Variants in ZFHX2 observed in about 807,000 individuals in gnomAD.
ZFHX2 encodes zinc finger homeobox protein 2.
In ZFHX2, 75 loss-of-function variants were observed where a neutral mutation model predicts 164.8. That is an observed-to-expected ratio of 0.46 (90% CI 0.38 to 0.55). The LOEUF (loss-of-function observed/expected upper bound fraction) is 0.55. Ranked by LOEUF, ZFHX2 falls within the 20% of genes least tolerant of loss-of-function variation. The pLI is 0.00. For synonymous variants in ZFHX2, 1,217 were observed against 1,351.4 expected (o/e 0.90, Z 2.18); for missense variants, 2,933 against 3,308.0 (o/e 0.89, Z 2.78).
In ZFHX2 at chr14:23,523,770, C is replaced by G. The variant is rs1878350984; in HGVS notation, c.6172G>C (p.Gly2058Arg). Residue 2058 changes from glycine to arginine, a missense_variant, in exon 9 of 10, where the codon GGG (glycine) becomes CGG (arginine). Physicochemically the swap from Gly to Arg is moderately radical, Grantham distance 125. Transcript: ENST00000419474. This position sits in a 1 kb window ranked among gnomAD's most constrained non-coding sequence, Gnocchi z 4.1. The stretch of plus-strand genomic sequence containing the variant: ...CGCTGCCCCATTCCATCTGGAACCC[C>G]AGTCCCACCTCCAGGTCCCCCACTG... ...GTSGGPGGGTGVPDGMGQRRY... is the reference protein window; with the variant it reads ...GTSGGPGGGTRVPDGMGQRRY... The G allele has an allele frequency of 6.5e-7, 1 of 1,536,120 alleles. No individual in the cohort carries two copies. Among genetic ancestry groups the G allele is most frequent in the Non-Finnish European group, 8.7e-7 (1 of 1,146,936 alleles).
At chr14:23,527,002 A>C in intron 7 of ZFHX2, 29 bp from the exon 8 acceptor site, 1 of 1,477,696 alleles carries the variant, frequency 6.8e-7, no homozygotes. Flanking sequence ...TAGTGGCTTC[A>C]CCACCACCCC....
Position 23,526,139 on chromosome 14 carries a change from C to T in ZFHX2, c.3803G>A (p.Arg1268Gln), listed in dbSNP as rs1465476803. The change falls in exon 9 of 10, where the codon CGG (arginine) becomes CAG (glutamine). Residue 1268 changes from arginine to glutamine, a missense_variant. Physicochemically the swap from Arg to Gln is conservative, Grantham distance 43 (BLOSUM62 1). Transcript: ENST00000419474. ...NQSSTLEIHM[R>Q]SVLHQTRSRG... ...AGAGCGAGTCTGATGCAGAACTGAC[C>T]GCATGTGGATCTCCAGGGTGGAGCT... 2.7e-5 allele frequency: 41 copies of T among 1,536,314 alleles called. No homozygotes were observed. The highest frequency in any genetic ancestry group is 3.3e-5 in the Non-Finnish European group (38 of 1,146,942).
chr14:23,534,217 G>A lies in ZFHX2; in HGVS notation c.1109C>T (p.Ala370Val). 2.7e-6 allele frequency: 4 copies of A among 1,505,162 alleles called. No individual in the cohort carries two copies. In the South Asian group the frequency reaches 5.1e-5, roughly 19 times the overall value. 93.2% of individuals were successfully genotyped at this position (1,505,162 alleles called of 1,614,324 possible). A position where few individuals can be genotyped will look rare whatever the true frequency, so the allele number is the denominator to read the frequency against. The change falls in exon 2 of 10, where the codon GCA becomes GTA. Residue 370 changes from alanine (A) to valine (V), a missense_variant. Transcript: ENST00000419474. The surrounding 1 kb of genome is among the most constrained non-coding windows in gnomAD (Gnocchi z 4.5). ...AKESPVAAGE[A>V]GPDWFPEGQE... The stretch of plus-strand genomic sequence containing the variant: ...CCCCTCAGGGAACCAATCTGGCCCT[G>A]CCTCGCCTGCTGCTACTGGCGATTC...
chr14:23,555,315 A>G (rs1440197546), upstream of ZFHX2, among the ~76,000 whole-genome samples: 2 of 152,060 alleles, frequency 1.3e-5, no homozygotes, highest in Admixed American at 1.3e-4. Context: ...ATTCTAAATG[A>G]ACATAAGTAG....
chr14:23,533,329 CCA>C lies in ZFHX2; in HGVS notation c.1995_1996del (p.Asn665LysfsTer23). The stretch of plus-strand genomic sequence containing the variant: ...GGCAGGTGCTCCTACGTGGTGGAAA[CCA>C]TTGAGAAGTAGCTGGGCTTCCAGGG... On this transcript the variant is annotated frameshift_variant, in exon 2 of 10. Coordinates refer to ENST00000419474, the MANE Select transcript of ZFHX2 (RefSeq NM_033400.3). LOFTEE classifies it high-confidence loss of function. This position sits in a 1 kb window ranked among gnomAD's most constrained non-coding sequence, Gnocchi z 4.8. The C allele has an allele frequency of 6.9e-7, 1 of 1,439,360 alleles. No homozygotes were observed. The highest frequency in any genetic ancestry group is 9.1e-7 in the Non-Finnish European group (1 of 1,101,140). The allele number at this position is 1,439,360 out of a possible 1,614,324, so 89.2% of individuals were successfully genotyped here. A position where few individuals can be genotyped will look rare whatever the true frequency, so the allele number is the denominator to read the frequency against.
rs552911279 is a variant in ZFHX2, at chr14:23,522,055, C to A, written c.7626G>T (p.Ser2542=). ...CCTCTTTGGCAAAAGCCACAGCAGC[C>A]GAGGCAGCAGTGGCGGCGTTGGTGA... The part of the protein sequence containing the change: ...ISITNAATAA[S]AAVAFAKEEA... The change falls in exon 10 of 10, where the codon TCG becomes TCT. Residue 2542 remains serine, a synonymous_variant. Transcript: ENST00000419474. 1.3e-6 allele frequency: 2 copies of A among 1,536,336 alleles called. No individual in the cohort carries two copies. Among genetic ancestry groups the A allele is most frequent in the African/African-American group, 2.7e-5 (2 of 73,068 alleles).
intron 1 of ZFHX2, among the ~76,000 whole-genome samples, chr14:23,538,267 T>C (rs769088576): frequency 6.6e-5 from 10 of 152,236 alleles, no homozygotes; most frequent in Non-Finnish European, 1.5e-4. Flanking sequence ...TCCTCCTCTT[T>C]AGGAAAGAAT....
chr14:23,522,420 G>GC lies in ZFHX2; in HGVS notation c.7260_7261insG (p.Leu2421AlafsTer11). 6.5e-7 allele frequency: 1 copy of GC among 1,536,494 alleles called. No homozygotes were observed. Among genetic ancestry groups the GC allele is most frequent in the Non-Finnish European group, 8.7e-7 (1 of 1,146,934 alleles). On this transcript the variant is annotated frameshift_variant, in exon 10 of 10. Transcript: ENST00000419474. LOFTEE classifies it high-confidence loss of function. ...GCTTCCCCCTCCCCTGGAGCAGGCA[G>GC]TTCAGGAGGCTTTGGAGGTGCTGTG...
intron 6 of ZFHX2, among the ~76,000 whole-genome samples, chr14:23,529,081 A>G (rs1313320580): frequency 1.3e-5 from 2 of 152,240 alleles, no homozygotes; most frequent in Non-Finnish European, 2.9e-5. Context: ...ATAACAATAA[A>G]TGTTACATAT....
Position 23,531,611 on chromosome 14 carries a change from G to A in ZFHX2, c.2670C>T (p.Arg890=), listed in dbSNP as rs1205965669. Residue 890 remains arginine (R), a synonymous_variant, in exon 4 of 10, where the codon CGC becomes CGT. Coordinates refer to ENST00000419474, the MANE Select transcript of ZFHX2 (RefSeq NM_033400.3). ...PSRLAVLQHL[R]TPAHRDAQAQ... The stretch of plus-strand genomic sequence containing the variant: ...CCTGGGCATCGCGGTGGGCAGGTGT[G>A]CGCAGGTGTTGCAGCACAGCCAAGC... The A allele has an allele frequency of 2.0e-5, 30 of 1,525,806 alleles. No homozygotes were observed. Among genetic ancestry groups the A allele is most frequent in the Non-Finnish European group, 2.5e-5 (28 of 1,140,524 alleles). The allele number at this position is 1,525,806 out of a possible 1,614,324, so 94.5% of individuals were successfully genotyped here. A position where few individuals can be genotyped will look rare whatever the true frequency, so the allele number is the denominator to read the frequency against.
rs1296690337 is a variant in ZFHX2 at position 23,522,508 on chromosome 14, G to A, written c.7173C>T (p.Thr2391=). 27 of 1,531,868 alleles carry A rather than the reference G, an allele frequency of 1.8e-5. No homozygotes were observed. Among genetic ancestry groups the A allele is most frequent in the Non-Finnish European group, 2.3e-5 (26 of 1,144,070 alleles). 94.9% of individuals were successfully genotyped at this position (1,531,868 alleles called of 1,614,324 possible). ...LFPMNPMIPQ[T]LIGLLPNALL... is the part of the protein sequence containing the mutation. ...GGGCATTGGGGAGCAGCCCAATGAGGGTCTGAGGTATCATGGGGTTCATGG... is the reference window on the plus strand; with the variant it reads ...GGGCATTGGGGAGCAGCCCAATGAGAGTCTGAGGTATCATGGGGTTCATGG... Residue 2391 remains threonine, a synonymous_variant, in exon 10 of 10, where the codon ACC becomes ACT. Coordinates refer to ENST00000419474, the MANE Select transcript of ZFHX2 (RefSeq NM_033400.3).
At chr14:23,541,287 AT>A (rs34645391) in intron 1 of ZFHX2, among the ~76,000 whole-genome samples, 16,721 of 129,942 alleles carry the variant, frequency 0.13, 1,042 homozygotes, top group East Asian at 0.25. Context: ...GATGGACAGG[AT>A]TTTTTTTTTT....
chr14:23,525,065 T>C lies in ZFHX2; in HGVS notation c.4877A>G (p.Glu1626Gly), dbSNP rs1268173093. ...CAGACCCAACAGACTTGCGAGTCGC[T>C]CCACCTCTCCGTCTTTGGGGTAGGC... is the stretch of plus-strand genomic sequence containing the variant. ...TSAYPKDGEV[E>G]RLASLLGLAS... The change falls in exon 9 of 10, where the codon GAG becomes GGG. Residue 1626 changes from glutamate to glycine, a missense_variant. By Grantham distance (98) the Glu-to-Gly change is moderately conservative. Transcript: ENST00000419474. This position sits in a 1 kb window ranked among gnomAD's most constrained non-coding sequence, Gnocchi z 5.9. The C allele has an allele frequency of 5.9e-6, 9 of 1,536,022 alleles. No individual in the cohort carries two copies. In the Admixed American group the frequency reaches 7.8e-5, roughly 13 times the overall value.
chr14:23,527,074 T>C, intron 7 of ZFHX2, 101 bp from the exon 8 acceptor site: 1 of 1,391,522 alleles, frequency 7.2e-7, no homozygotes, highest in Non-Finnish European at 9.3e-7. Context: ...CCGAGATCCC[T>C]TGCCACAGAT....
At chr14:23,529,194 G>T (rs1205500481) in intron 6 of ZFHX2, among the ~76,000 whole-genome samples, 1 of 152,212 alleles carries the variant, frequency 6.6e-6, no homozygotes, top group East Asian at 1.9e-4. Context: ...TGCTGCCTAG[G>T]TCTGAGTCCT....
In ZFHX2 at chr14:23,532,645, G is replaced by C. The variant is rs1401660049; in HGVS notation, c.2481C>G (p.Asp827Glu). 4 of 1,477,328 alleles carry C rather than the reference G, an allele frequency of 2.7e-6. No homozygotes were observed. Among genetic ancestry groups the C allele is most frequent in the East Asian group, 5.0e-5 (2 of 40,332 alleles). 91.5% of individuals were successfully genotyped at this position (1,477,328 alleles called of 1,614,324 possible). A position where few individuals can be genotyped will look rare whatever the true frequency, so the allele number is the denominator to read the frequency against. Reference protein sequence around the residue: ...SPLHLRCNICDFESNSKEKMQ... With the variant: ...SPLHLRCNICEFESNSKEKMQ... ...TCTTCTCCTTGCTGTTGGACTCAAA[G>C]TCACAGATGTTGCAGCGCAGGTGTA... Residue 827 changes from aspartate to glutamate, a missense_variant, in exon 3 of 10, where the codon GAC becomes GAG. Physicochemically the swap from Asp to Glu is conservative, Grantham distance 45. Transcript: ENST00000419474.
chr14:23,523,648 C>T lies in ZFHX2; in HGVS notation c.6294G>A (p.Leu2098=), dbSNP rs1878331576. The T allele has an allele frequency of 1.9e-6, 3 of 1,549,748 alleles. No homozygotes were observed. Among genetic ancestry groups the T allele is most frequent in the African/African-American group, 1.4e-5 (1 of 73,664 alleles). ...TCTTGGGCAGCCCAATCTCCTCTCC[C>T]AGCACCTCACACTCCTGCATGGTGG... ...RTPTMQECEV[L]GEEIGLPKRV... Residue 2098 remains leucine, a synonymous_variant, in exon 9 of 10, where the codon CTG becomes CTA. Coordinates refer to ENST00000419474, the MANE Select transcript of ZFHX2 (RefSeq NM_033400.3). This position sits in a 1 kb window ranked among gnomAD's most constrained non-coding sequence, Gnocchi z 4.1.
Position 23,545,431 on chromosome 14 carries a change from C to T in ZFHX2, c.-50+5912G>A, listed in dbSNP as rs538264104. Among the ~76,000 whole-genome samples, 178 of 151,450 alleles carry T rather than the reference C, an allele frequency of 1.2e-3. 1 individual carries two copies. The highest frequency in any genetic ancestry group is 1.5e-3 in the Non-Finnish European group (102 of 67,748). On this transcript the variant is annotated intron_variant, in intron 1 of 9. Transcript: ENST00000419474. Reference sequence around the variant, plus strand: ...CTTAGTCCTCACAGCCTACTGCACTCCTTCCTTTCTCATTTAAATTGTGGC... The same window carrying T: ...CTTAGTCCTCACAGCCTACTGCACTTCTTCCTTTCTCATTTAAATTGTGGC...
chr14:23,523,234 G>A lies in ZFHX2; in HGVS notation c.6708C>T (p.Pro2236=). 2.1e-6 allele frequency: 3 copies of A among 1,432,064 alleles called. No individual in the cohort carries two copies. The highest frequency in any genetic ancestry group is 2.7e-6 in the Non-Finnish European group (3 of 1,097,234). The allele number at this position is 1,432,064 out of a possible 1,614,324, so 88.7% of individuals were successfully genotyped here. A position where few individuals can be genotyped will look rare whatever the true frequency, so the allele number is the denominator to read the frequency against. Residue 2236 remains proline, a synonymous_variant, in exon 9 of 10, where the codon CCC becomes CCT. Transcript: ENST00000419474. The surrounding 1 kb of genome is among the most constrained non-coding windows in gnomAD (Gnocchi z 4.1). Reference sequence around the variant, plus strand: ...TGAAAGGAGCTAAGTTGCCCAGCGGGGGCTGAGCCAGAGCTGGGCCAGATA... The same window carrying A: ...TGAAAGGAGCTAAGTTGCCCAGCGGAGGCTGAGCCAGAGCTGGGCCAGATA... The part of the protein sequence containing the change: ...VLLSGPALAQ[P]PLGNLAPFNS...
Sources: allele counts gnomAD v4.1 joint callset (sites outside exome capture counted in the v4.1 genomes callset), GRCh38; gene constraint gnomAD v4.1.1; non-coding constraint Gnocchi (gnomAD v3.1); transcripts MANE v1.5; gene names NCBI Gene and HGNC (gene_info 2026-07-23, HGNC 2026-07-21).